The following SEMA5A variants were observed in gnomAD, a reference collection of about 807,000 sequenced individuals.
The protein encoded by SEMA5A is semaphorin 5A, also known as semaphorin-5A.
SEMA5A carries 55 observed loss-of-function variants against 135.5 expected under a neutral mutation model. That is an observed-to-expected ratio of 0.41 (90% CI 0.33 to 0.51). The LOEUF is 0.51. SEMA5A is among the 20% of genes least tolerant of loss of function. SEMA5A has a pLI of 0.37. For synonymous variants in SEMA5A, 580 were observed against 546.5 expected (o/e 1.06, Z -0.85); for missense variants, 1,290 against 1,419.9 (o/e 0.91, Z 1.47).
intron 8 of SEMA5A, among the ~76,000 whole-genome samples, chr5:9,202,652 T>C (rs1254715575): frequency 6.6e-6 from 1 of 152,218 alleles, no homozygotes; most frequent in Non-Finnish European, 1.5e-5. Context: ...AATATAGCAG[T>C]CTACAATCCT....
At chr5:9,195,388 T>C (rs62340978) in intron 10 of SEMA5A, among the ~76,000 whole-genome samples, 24,618 of 152,132 alleles carry the variant, frequency 0.16, 2,163 homozygotes, top group Admixed American at 0.26. Context: ...CCCAGGCTTG[T>C]CTCGAAATCC....
intron 11 of SEMA5A, among the ~76,000 whole-genome samples, chr5:9,162,555 T>TAC: frequency 4.0e-5 from 1 of 25,274 alleles, no homozygotes; most frequent in African/African-American, 1.4e-4. Flanking sequence ...TATATATGTG[T>TAC]GTGTGTGTGT....
chr5:9,474,903 T>G (rs1374842910), intron 1 of SEMA5A, among the ~76,000 whole-genome samples: 1 of 152,158 alleles, frequency 6.6e-6, no homozygotes, highest in African/African-American at 2.4e-5. Context: ...CCACCTCCAT[T>G]CTTGTACTTT....
Position 9,042,813 on chromosome 5 carries a change from C to A in SEMA5A, c.*84G>T, listed in dbSNP as rs1736033179. Reference sequence around the variant, plus strand: ...CTTGAAATGTATCCAAACTTCGACTCTGAAGCCTCAGAAACATGGGCAGTC... The same window carrying A: ...CTTGAAATGTATCCAAACTTCGACTATGAAGCCTCAGAAACATGGGCAGTC... On this transcript the variant is annotated 3_prime_UTR_variant, in exon 23 of 23. Transcript: ENST00000382496. 1.3e-6 allele frequency: 2 copies of A among 1,540,444 alleles called. No individual in the cohort carries two copies. The highest frequency in any genetic ancestry group is 8.9e-7 in the Non-Finnish European group (1 of 1,121,758).
At chr5:9,494,467 C>T (rs758707908) in intron 1 of SEMA5A, among the ~76,000 whole-genome samples, 3 of 152,076 alleles carry the variant, frequency 2.0e-5, no homozygotes, top group African/African-American at 7.2e-5. Context: ...TGATAATTAT[C>T]GAGGTCAGTG....
intron 5 of SEMA5A, among the ~76,000 whole-genome samples, chr5:9,316,602 G>A (rs996640147): frequency 6.6e-6 from 1 of 151,818 alleles, no homozygotes; most frequent in South Asian, 2.1e-4. Flanking sequence ...TTTTAGAAAA[G>A]GTTATCTAAA....
intron 11 of SEMA5A, among the ~76,000 whole-genome samples, chr5:9,186,095 C>A (rs1410826892): frequency 6.6e-6 from 1 of 152,178 alleles, no homozygotes; most frequent in Admixed American, 6.5e-5. Flanking sequence ...CATAAATATT[C>A]TACCATTTCC....
Position 9,226,855 on chromosome 5 carries a change from AAAAG to A in SEMA5A, c.432+10_432+13del, listed in dbSNP as rs1381363273. On this transcript the variant is annotated intron_variant, in intron 7 of 22. Coordinates refer to ENST00000382496, the MANE Select transcript of SEMA5A (RefSeq NM_003966.3). ...TGATATTAAATTCTTTTGAGGCACA[AAAAG>A]AAGCCATACCGAGCGGTTGGTGCAG... is the stretch of plus-strand genomic sequence containing the variant. 1.3e-6 allele frequency: 2 copies of A among 1,596,000 alleles called. No individual in the cohort carries two copies. Among genetic ancestry groups the A allele is most frequent in the African/African-American group, 1.3e-5 (1 of 74,302 alleles).
chr5:9,365,066 G>C (rs1024968373), intron 3 of SEMA5A, among the ~76,000 whole-genome samples: 2 of 152,116 alleles, frequency 1.3e-5, no homozygotes, highest in Non-Finnish European at 2.9e-5. Context: ...TTATCACAGG[G>C]GAGACAGACA....
chr5:9,189,053 C>A (rs1274904401), intron 11 of SEMA5A, among the ~76,000 whole-genome samples: 1 of 152,238 alleles, frequency 6.6e-6, no homozygotes, highest in Non-Finnish European at 1.5e-5. Context: ...GCACTGCCTG[C>A]CACTGGCCAG....
chr5:9,457,292 C>T lies in SEMA5A; in HGVS notation c.-174-19440G>A, dbSNP rs181950607. 1.7e-3 allele frequency among the ~76,000 whole-genome samples: 265 copies of T among 152,348 alleles called. 1 individual carries two copies. Among genetic ancestry groups the T allele is most frequent in the African/African-American group, 6.0e-3 (250 of 41,586 alleles). Reference sequence around the variant, plus strand: ...AGAGGAGTAGAAATCGCACCATGATCTAAGTTCAAACCCTGTCACCAATTT... The same window carrying T: ...AGAGGAGTAGAAATCGCACCATGATTTAAGTTCAAACCCTGTCACCAATTT... On this transcript the variant is annotated intron_variant, in intron 1 of 22. Transcript: ENST00000382496.
At chr5:9,124,554 T>G (rs2150190610) in intron 13 of SEMA5A, among the ~76,000 whole-genome samples, 1 of 152,212 alleles carries the variant, frequency 6.6e-6, no homozygotes, top group African/African-American at 2.4e-5. Flanking sequence ...CCTCCCAGGT[T>G]CAAACGATTC....
intron 1 of SEMA5A, among the ~76,000 whole-genome samples, chr5:9,519,515 C>T (rs1736699444): frequency 6.6e-6 from 1 of 152,168 alleles, no homozygotes; most frequent in Non-Finnish European, 1.5e-5. Flanking sequence ...TAATTTGGTG[C>T]TAATTCTCTA....
In SEMA5A at chr5:9,435,647, G is replaced by C. The variant is rs144575556; in HGVS notation, c.-78+2109C>G. ...AGGTCTTCGGCAGTGCAAGGATCGT[G>C]TCAATCATAGCTCAGAAAGCTGCTT... On this transcript the variant is annotated intron_variant, in intron 2 of 22. Transcript: ENST00000382496. Among the ~76,000 whole-genome samples the C allele has an allele frequency of 8.7e-3, 1,322 of 152,232 alleles. 11 individuals carry two copies. Among genetic ancestry groups the C allele is most frequent in the African/African-American group, 0.03 (1,251 of 41,514 alleles).
intron 1 of SEMA5A, among the ~76,000 whole-genome samples, chr5:9,468,293 A>G (rs772023694): frequency 2.6e-5 from 4 of 152,190 alleles, no homozygotes; most frequent in Non-Finnish European, 5.9e-5. Flanking sequence ...TGTTAGGCAG[A>G]CGCCTTCATT....
chr5:9,435,639 A>G (rs141860542), intron 2 of SEMA5A, among the ~76,000 whole-genome samples: 72 of 152,306 alleles, frequency 4.7e-4, no homozygotes, highest in Non-Finnish European at 8.5e-4. Context: ...CGGCAGTGCA[A>G]GGATCGTGTC....
chr5:9,072,048 A>T (rs145425154), intron 16 of SEMA5A, among the ~76,000 whole-genome samples: 1 of 152,250 alleles, frequency 6.6e-6, no homozygotes, highest in Admixed American at 6.5e-5. Context: ...AATGTGGTGC[A>T]TTCAAAATTA....
chr5:9,259,594 T>A (rs1327745710), intron 5 of SEMA5A, among the ~76,000 whole-genome samples: 2 of 152,170 alleles, frequency 1.3e-5, no homozygotes, highest in Non-Finnish European at 2.9e-5. Context: ...CTGAGTTCAA[T>A]TCCTGGGTAT....
chr5:9,477,872 G>C (rs542739364), intron 1 of SEMA5A, among the ~76,000 whole-genome samples: 11 of 152,362 alleles, frequency 7.2e-5, no homozygotes, highest in Non-Finnish European at 1.3e-4. Flanking sequence ...GCCAGCTGCA[G>C]AAATTTGCAT....
Sources: gnomAD v4.1 joint callset for allele counts (sites outside exome capture counted in the v4.1 genomes callset) on GRCh38, gnomAD v4.1.1 for gene constraint, MANE v1.5 for transcripts, NCBI Gene and HGNC (gene_info 2026-07-23, HGNC 2026-07-21) for gene names.